Variants in KMT2C observed in about 807,000 individuals in gnomAD.
The protein encoded by KMT2C is lysine methyltransferase 2C.
KMT2C carries 88 observed loss-of-function variants against 507.9 expected under a neutral mutation model. The ratio of observed to expected loss-of-function variants is 0.17; its 90% CI spans 0.15 to 0.21. The LOEUF is 0.21. KMT2C is among the 10% of genes least tolerant of loss of function. The probability of loss-of-function intolerance (pLI) is 1.00; values close to 1 mark genes in which losing one functional copy is unlikely to be tolerated. For missense variants in KMT2C, 4,954 were observed against 5,957.8 expected, an observed-to-expected ratio of 0.83 and a Z score of 5.55; for synonymous variants, 2,049 against 2,080.8, an observed-to-expected ratio of 0.98 and a Z score of 0.42.
chr7:152,232,751 A>C lies in KMT2C; in HGVS notation c.2770-2430T>G, dbSNP rs191558241. ...TTTAGAGAATCATCCAAGATGATTCACAAAAGTAGAATCATCATCATCAGT... is the reference window on the plus strand; with the variant it reads ...TTTAGAGAATCATCCAAGATGATTCCCAAAAGTAGAATCATCATCATCAGT... On this transcript the variant is annotated intron_variant, in intron 16 of 58. Transcript: ENST00000262189. 3.2e-3 allele frequency among the ~76,000 whole-genome samples: 481 copies of C among 152,212 alleles called. 17 individuals are homozygous for C. The East Asian group carries it at 0.068, about 21-fold the overall frequency.
chr7:152,192,551 G>GA (rs957035307), intron 31 of KMT2C, among the ~76,000 whole-genome samples: 33 of 135,118 alleles, frequency 2.4e-4, no homozygotes, highest in East Asian at 1.1e-3. Context: ...AGAAAAAAAA[G>GA]AAAAAAAAAA....
chr7:152,424,209 G>C (rs1445946352), intron 1 of KMT2C, among the ~76,000 whole-genome samples: 1 of 151,992 alleles, frequency 6.6e-6, no homozygotes, highest in Non-Finnish European at 1.5e-5. Context: ...CAACTCCTCT[G>C]CTCAAGTGAT....
chr7:152,366,165 C>T (rs1440866585), intron 1 of KMT2C, among the ~76,000 whole-genome samples: 1 of 151,838 alleles, frequency 6.6e-6, no homozygotes, highest in Admixed American at 6.6e-5. Context: ...ATGATATGGG[C>T]CCTGGAAAAC....
At chr7:152,332,121 C>G (rs914534327) in intron 2 of KMT2C, among the ~76,000 whole-genome samples, 3 of 152,150 alleles carry the variant, frequency 2.0e-5, no homozygotes, top group African/African-American at 7.2e-5. Flanking sequence ...CAAACCTTCA[C>G]TTTATTGCCT....
chr7:152,296,524 T>C (rs1039028536), intron 6 of KMT2C, among the ~76,000 whole-genome samples: 1 of 151,710 alleles, frequency 6.6e-6, no homozygotes, highest in Non-Finnish European at 1.5e-5. Flanking sequence ...AACATAATAA[T>C]AAAAAGGTTC....
intron 9 of KMT2C, among the ~76,000 whole-genome samples, chr7:152,258,197 G>T (rs554201321): frequency 2.0e-5 from 3 of 152,300 alleles, no homozygotes; most frequent in Admixed American, 1.3e-4. Context: ...ACACCAAAAA[G>T]TATGAAGTGT....
chr7:152,230,346 T>C (rs767835756), intron 16 of KMT2C, 25 bp from the exon 17 acceptor site: 2 of 1,042,124 alleles, frequency 1.9e-6, no homozygotes. Flanking sequence ...ATACACAGAA[T>C]ACGAAGTTAT....
At chr7:152,198,559 C>T (rs758197910) in intron 27 of KMT2C, among the ~76,000 whole-genome samples, 1 of 152,144 alleles carries the variant, frequency 6.6e-6, no homozygotes, top group Non-Finnish European at 1.5e-5. Flanking sequence ...AGACACTTAC[C>T]TACCCAATGA....
At chr7:152,155,703 T>C (rs911619423) in intron 46 of KMT2C, among the ~76,000 whole-genome samples, 4 of 152,206 alleles carry the variant, frequency 2.6e-5, no homozygotes, top group African/African-American at 9.7e-5. Flanking sequence ...TAACTCTCTA[T>C]ATGATGTAGG....
At chr7:152,388,269 T>C (rs1345039551) in intron 1 of KMT2C, among the ~76,000 whole-genome samples, 1 of 152,242 alleles carries the variant, frequency 6.6e-6, no homozygotes, top group Non-Finnish European at 1.5e-5. Flanking sequence ...AATAAATAAG[T>C]ATGCTCTGGC....
intron 2 of KMT2C, among the ~76,000 whole-genome samples, chr7:152,346,752 C>G (rs1371592279): frequency 6.6e-6 from 1 of 152,152 alleles, no homozygotes; most frequent in Non-Finnish European, 1.5e-5. Context: ...ATAACATAAA[C>G]AGTAGATTAA....
intron 3 of KMT2C, among the ~76,000 whole-genome samples, chr7:152,330,238 G>A (rs2096870491): frequency 6.6e-6 from 1 of 151,902 alleles, no homozygotes; most frequent in African/African-American, 2.4e-5. Context: ...TTAATGAATG[G>A]GGAGAAGGTA....
intron 27 of KMT2C, 96 bp downstream of exon 27, chr7:152,199,183 T>C (rs983466629): frequency 2.0e-6 from 2 of 988,938 alleles, no homozygotes; most frequent in African/African-American, 3.5e-5. Context: ...TTAAAATGCA[T>C]ATGAGGCCAA....
At chr7:152,392,003 T>C (rs2097502799) in intron 1 of KMT2C, among the ~76,000 whole-genome samples, 1 of 152,168 alleles carries the variant, frequency 6.6e-6, no homozygotes, top group South Asian at 2.1e-4. Context: ...GTCCTGTGCT[T>C]ATCCATAGGA....
chr7:152,309,826 T>G, intron 6 of KMT2C, 140 bp downstream of exon 6: 1 of 598,528 alleles, frequency 1.7e-6, no homozygotes, highest in Non-Finnish European at 2.9e-6. Context: ...TGGCCTAGAA[T>G]TTCTCTTAAT....
At chr7:152,250,753 C>G (rs1244265925) in intron 12 of KMT2C, 100 bp downstream of exon 12, 1 of 671,898 alleles carries the variant, frequency 1.5e-6, no homozygotes, top group Non-Finnish European at 2.6e-6. Context: ...TCCTAAGTGA[C>G]TGCATCTTGG....
In KMT2C at chr7:152,196,146, G is replaced by A. The variant is rs536034557; in HGVS notation, c.4274-135C>T. 23 of 453,530 alleles carry A rather than the reference G, an allele frequency of 5.1e-5. 1 individual carries two copies. The South Asian group carries it at 6.8e-4, about 13-fold the overall frequency. The allele number at this position is 453,530 out of a possible 1,614,324, so 28.1% of individuals were successfully genotyped here. On this transcript the variant is annotated intron_variant, in intron 27 of 58. Transcript: ENST00000262189. ...AAAACCTGAGACTCTTAATTTTACA[G>A]TAAAAATTTTCCATAGCAAAGGAGA...
chr7:152,364,609 C>CAAAAAAAAAAAAAAAAA (rs568794506), intron 1 of KMT2C, among the ~76,000 whole-genome samples: 4 of 90,826 alleles, frequency 4.4e-5, no homozygotes, highest in African/African-American at 1.5e-4. Context: ...ACTCCGTCTC[C>CAAAAAAAAAAAAAAAAA]AAAAAAAAAA....
intron 27 of KMT2C, 124 bp from the exon 28 acceptor site, chr7:152,196,135 T>C: frequency 2.2e-6 from 1 of 456,586 alleles, no homozygotes. Flanking sequence ...CCTGAGACTC[T>C]TAATTTTACA....
Sources: allele counts gnomAD v4.1 joint callset (sites outside exome capture counted in the v4.1 genomes callset), GRCh38; gene constraint gnomAD v4.1.1; transcripts MANE v1.5; gene names NCBI Gene and HGNC (gene_info 2026-07-23, HGNC 2026-07-21).